Variants in CHD1L observed in about 807,000 individuals in gnomAD.
The protein encoded by CHD1L is ATP-dependent chromatin remodeler CHD1L.
In CHD1L, 118 loss-of-function variants were observed where a neutral mutation model predicts 115.9. That is an observed-to-expected ratio of 1.02 (90% CI 0.88 to 1.19). The LOEUF (loss-of-function observed/expected upper bound fraction) is 1.19. Among genes scored for constraint, CHD1L ranks in the 50% most tolerant of loss-of-function variants. The pLI, the probability that CHD1L is intolerant of heterozygous loss-of-function variation, is 0.00. For missense variants in CHD1L, 1,179 were observed against 1,065.3 expected (o/e 1.11, Z -1.49); for synonymous variants, 411 against 387.1 (o/e 1.06, Z -0.72).
rs187995209 is a variant in CHD1L at position 147,242,715 on chromosome 1, G to A, written c.12G>A (p.Ala4=). Residue 4 remains alanine, a synonymous_variant, in exon 1 of 23, where the codon GCG becomes GCA. Transcript: ENST00000369258. ...CCTCTACCGGCCCGATGGAGCGCGCGGGCGCTACTAGCCGCGGGGGCCAAG... is the reference window on the plus strand; with the variant it reads ...CCTCTACCGGCCCGATGGAGCGCGCAGGCGCTACTAGCCGCGGGGGCCAAG... MER[A]GATSRGGQAP... The A allele has an allele frequency of 2.4e-4, 305 of 1,258,578 alleles. 2 individuals carry two copies. The African/African-American group carries it at 3.9e-3, about 16-fold the overall frequency. The allele number at this position is 1,258,578 out of a possible 1,614,324, so 78.0% of individuals were successfully genotyped here. A position where few individuals can be genotyped will look rare whatever the true frequency, so the allele number is the denominator to read the frequency against.
At chr1:147,231,763 C>T in the CHD1L span, among the ~76,000 whole-genome samples, 426 of 152,212 alleles carry the variant, frequency 2.8e-3, 2 homozygotes, top group African/African-American at 9.5e-3. Context: ...GTGTGCCGTT[C>T]GCTAAGACCA....
intron 1 of CHD1L, among the ~76,000 whole-genome samples, chr1:147,243,606 G>A (rs1452730482): frequency 6.6e-6 from 1 of 152,054 alleles, no homozygotes; most frequent in African/African-American, 2.4e-5. Context: ...GCGCTGACTC[G>A]CCGCTGAACC....
the CHD1L span, among the ~76,000 whole-genome samples, chr1:147,177,787 G>C: frequency 6.6e-6 from 1 of 152,172 alleles, no homozygotes; most frequent in Admixed American, 6.5e-5. Context: ...GAAGAGCCTG[G>C]TGATGACTAA....
At chr1:147,204,076 AG>A in the CHD1L span, 7 of 1,125,654 alleles carry the variant, frequency 6.2e-6, no homozygotes, top group South Asian at 8.6e-5. Flanking sequence ...CATTTGCACC[AG>A]TATCAGCAAT....
the CHD1L span, among the ~76,000 whole-genome samples, chr1:147,229,452 G>A: frequency 8.9e-3 from 1,351 of 152,018 alleles, 20 homozygotes; most frequent in African/African-American, 0.031. Context: ...TGATGCCTCC[G>A]GCTTTGTTCT....
intron 19 of CHD1L, among the ~76,000 whole-genome samples, chr1:147,290,406 AG>A (rs1685041593): frequency 6.6e-6 from 1 of 152,176 alleles, no homozygotes. Flanking sequence ...AGGAGAAATG[AG>A]GAAGATTACA....
chr1:147,262,644 A>G (rs1479906018), intron 6 of CHD1L, among the ~76,000 whole-genome samples: 4 of 152,114 alleles, frequency 2.6e-5, no homozygotes, highest in African/African-American at 7.2e-5. Context: ...GAAATACTAC[A>G]AAAACATCAC....
chr1:147,257,290 T>G lies in CHD1L; in HGVS notation c.494+728T>G, dbSNP rs1670459233. Among the ~76,000 whole-genome samples the G allele has an allele frequency of 3.3e-5, 5 of 152,214 alleles. No homozygotes were observed. The South Asian group carries it at 6.2e-4, about 19-fold the overall frequency. ...GTTTTCAAAGTATTTTATCAATATTTTAAATGTTATTTCTTATCCAGGTTC... is the reference window on the plus strand; with the variant it reads ...GTTTTCAAAGTATTTTATCAATATTGTAAATGTTATTTCTTATCCAGGTTC... On this transcript the variant is annotated intron_variant, in intron 5 of 22. Transcript: ENST00000369258.
chr1:147,232,222 G>C, the CHD1L span, among the ~76,000 whole-genome samples: 5 of 152,192 alleles, frequency 3.3e-5, no homozygotes, highest in East Asian at 9.6e-4. Flanking sequence ...AATGTGGAGA[G>C]CTATTTGTTC....
intron 9 of CHD1L, 100 bp downstream of exon 9, chr1:147,267,618 C>G (rs4143738): frequency 8.3e-6 from 7 of 842,464 alleles, no homozygotes; most frequent in African/African-American, 3.5e-5. Flanking sequence ...CTTACTTTGT[C>G]TACTTTGTTT....
chr1:147,227,672 T>A, the CHD1L span, among the ~76,000 whole-genome samples: 1 of 152,306 alleles, frequency 6.6e-6, no homozygotes, highest in Non-Finnish European at 1.5e-5. Context: ...TAGACAGCAA[T>A]ATTATGAGTG....
At chr1:147,192,008 C>A in the CHD1L span, among the ~76,000 whole-genome samples, 2 of 151,970 alleles carry the variant, frequency 1.3e-5, no homozygotes, top group South Asian at 4.2e-4. Context: ...TTTTTTGGTT[C>A]CATATGAACT....
chr1:147,280,610 C>T (rs900251201), intron 15 of CHD1L, among the ~76,000 whole-genome samples: 15 of 152,134 alleles, frequency 9.9e-5, no homozygotes, highest in African/African-American at 3.4e-4. Flanking sequence ...ATTTATTTTG[C>T]GTTCATCAAC....
intron 11 of CHD1L, 86 bp from the exon 12 acceptor site, chr1:147,272,085 G>A: frequency 1.9e-6 from 2 of 1,058,090 alleles, no homozygotes; most frequent in Non-Finnish European, 2.8e-6. Context: ...GGACAAAATT[G>A]GCCTTTGGTT....
chr1:147,187,781 AT>A, the CHD1L span, among the ~76,000 whole-genome samples: 1 of 152,180 alleles, frequency 6.6e-6, no homozygotes, highest in Non-Finnish European at 1.5e-5. Flanking sequence ...ATGGAGACAA[AT>A]GAAATTATTA....
chr1:147,294,007 T>C (rs782473264), intron 21 of CHD1L, among the ~76,000 whole-genome samples: 1 of 152,224 alleles, frequency 6.6e-6, no homozygotes, highest in Non-Finnish European at 1.5e-5. Context: ...CTTGGTCATA[T>C]GTAGTTGGTA....
the CHD1L span, chr1:147,203,463 G>A: frequency 2.4e-6 from 2 of 828,670 alleles, no homozygotes; most frequent in Non-Finnish European, 2.2e-6. Flanking sequence ...TTACAGCAGG[G>A]ACTACAGCCT....
chr1:147,255,637 T>C (rs1669857988), intron 3 of CHD1L, among the ~76,000 whole-genome samples, 176 bp from the exon 4 acceptor site: 1 of 152,198 alleles, frequency 6.6e-6, no homozygotes, highest in African/African-American at 2.4e-5. Flanking sequence ...ACATAGGAAC[T>C]CGCTCTGAGG....
chr1:147,271,394 T>C (rs74121878), intron 11 of CHD1L, among the ~76,000 whole-genome samples: 2,446 of 152,308 alleles, frequency 0.016, 72 homozygotes, highest in African/African-American at 0.057. Flanking sequence ...ATTGAAATTA[T>C]AGAGATAACA....
Sources: gnomAD v4.1 joint callset for allele counts (sites outside exome capture counted in the v4.1 genomes callset) on GRCh38, gnomAD v4.1.1 for gene constraint, MANE v1.5 for transcripts, NCBI Gene and HGNC (gene_info 2026-07-23, HGNC 2026-07-21) for gene names.